Variants in ADAMTS16 observed in about 807,000 individuals in gnomAD.
The protein encoded by ADAMTS16 is ADAM metallopeptidase with thrombospondin type 1 motif 16, also known as A disintegrin and metalloproteinase with thrombospondin motifs 16.
A neutral mutation model predicts 145.8 loss-of-function variants in ADAMTS16; 94 were observed. That is an observed-to-expected ratio of 0.64 (90% CI 0.55 to 0.77). The LOEUF is 0.77. Ranked by LOEUF, ADAMTS16 falls within the 30% of genes least tolerant of loss-of-function variation. ADAMTS16 has a pLI of 0.00. For synonymous variants in ADAMTS16, 659 were observed against 604.3 expected, an observed-to-expected ratio of 1.09 and a Z score of -1.33; for missense variants, 1,585 against 1,591.5, an observed-to-expected ratio of 1.00 and a Z score of 0.07.
At chr5:5,245,341 T>A (rs1407711058) in intron 17 of ADAMTS16, among the ~76,000 whole-genome samples, 1 of 152,180 alleles carries the variant, frequency 6.6e-6, no homozygotes, top group African/African-American at 2.4e-5. Flanking sequence ...AGTTTTTCAA[T>A]TTTGTGAGAT....
chr5:5,167,894 G>A (rs1734926299), intron 3 of ADAMTS16, among the ~76,000 whole-genome samples: 1 of 152,212 alleles, frequency 6.6e-6, no homozygotes, highest in Non-Finnish European at 1.5e-5. Flanking sequence ...GAATACCCAT[G>A]TGGGGCTGTT....
intron 10 of ADAMTS16, among the ~76,000 whole-genome samples, chr5:5,211,595 A>G (rs560870118): frequency 1.1e-4 from 17 of 152,056 alleles, no homozygotes; most frequent in Non-Finnish European, 2.1e-4. Context: ...CAAGGCTAGT[A>G]TGCCTGTCTT....
At chr5:5,264,343 ATG>A (rs1207141890) in intron 18 of ADAMTS16, among the ~76,000 whole-genome samples, 1 of 152,154 alleles carries the variant, frequency 6.6e-6, no homozygotes, top group Non-Finnish European at 1.5e-5. Context: ...TATTTACAGA[ATG>A]AAATTCTAAC....
At chr5:5,232,598 CTCT>C (rs1196465745) in intron 12 of ADAMTS16, 82 bp downstream of exon 12, 53 of 1,241,320 alleles carry the variant, frequency 4.3e-5, no homozygotes, top group Non-Finnish European at 5.2e-5. Context: ...TGTGTCTCAG[CTCT>C]TTTTTTTTTT....
chr5:5,210,296 T>C (rs1453784726), intron 10 of ADAMTS16, among the ~76,000 whole-genome samples: 1 of 152,192 alleles, frequency 6.6e-6, no homozygotes, highest in Non-Finnish European at 1.5e-5. Flanking sequence ...CTGGTTTCCA[T>C]GGTAGTTAGC....
At chr5:5,145,518 C>G (rs1170002997) in intron 2 of ADAMTS16, among the ~76,000 whole-genome samples, 1 of 152,224 alleles carries the variant, frequency 6.6e-6, no homozygotes, top group African/African-American at 2.4e-5. Context: ...GGTCGTTCTT[C>G]TCCAGACAGC....
rs746323971 is a variant in ADAMTS16 at position 5,318,216 on chromosome 5, T to C, written c.3494T>C (p.Leu1165Pro). ...AGGRPASGCL[L>P]HQKPSASLAC... Reference sequence around the variant, plus strand: ...GGCCGGCCGGCCTCAGGCTGCCTCCTGCACCAGAAGCCTTCGGCCTCCCTG... The same window carrying C: ...GGCCGGCCGGCCTCAGGCTGCCTCCCGCACCAGAAGCCTTCGGCCTCCCTG... The change falls in exon 22 of 23, where the codon CTG becomes CCG. Residue 1165 changes from leucine to proline, a missense_variant. Physicochemically the swap from Leu to Pro is moderately conservative, Grantham distance 98. Around this residue, in one of 3 missense-constraint regions of ADAMTS16, gnomAD observed 834 missense variants for 811.7 expected, o/e 1.03. Transcript: ENST00000274181. The C allele has an allele frequency of 9.5e-6, 15 of 1,571,420 alleles. No individual in the cohort carries two copies. Among genetic ancestry groups the C allele is most frequent in the African/African-American group, 2.7e-5 (2 of 73,732 alleles).
intron 9 of ADAMTS16, among the ~76,000 whole-genome samples, chr5:5,204,869 C>T (rs931459709): frequency 1.3e-5 from 2 of 152,150 alleles, no homozygotes; most frequent in Non-Finnish European, 2.9e-5. Context: ...TGAAGTTACA[C>T]TCCCAGAAGC....
intron 2 of ADAMTS16, among the ~76,000 whole-genome samples, chr5:5,142,668 T>A (rs270192): frequency 0.35 from 53,296 of 151,792 alleles, 10,101 homozygotes; most frequent in Admixed American, 0.48. Context: ...AATAACTAAT[T>A]GTAGCCATAC....
intron 11 of ADAMTS16, among the ~76,000 whole-genome samples, chr5:5,231,894 G>C (rs1233492594): frequency 2.0e-5 from 3 of 152,100 alleles, no homozygotes; most frequent in Non-Finnish European, 2.9e-5. Context: ...AGGTGCTTTG[G>C]GGGGAAAGCA....
intron 18 of ADAMTS16, among the ~76,000 whole-genome samples, chr5:5,263,320 C>T (rs554391269): frequency 1.3e-5 from 2 of 152,322 alleles, no homozygotes; most frequent in African/African-American, 4.8e-5. Context: ...TTCTCTGAGG[C>T]AGGAGGTGGG....
At chr5:5,174,420 C>T (rs1203277193) in intron 3 of ADAMTS16, among the ~76,000 whole-genome samples, 2 of 151,048 alleles carry the variant, frequency 1.3e-5, no homozygotes, top group East Asian at 1.9e-4. Flanking sequence ...TTATTAAGTG[C>T]TTTTAGGTAG....
At chr5:5,169,253 T>C (rs1734981347) in intron 3 of ADAMTS16, among the ~76,000 whole-genome samples, 1 of 152,220 alleles carries the variant, frequency 6.6e-6, no homozygotes, top group Non-Finnish European at 1.5e-5. Context: ...TGGCAACATT[T>C]CTTGTTTCAA....
chr5:5,177,424 A>G (rs979027464), intron 3 of ADAMTS16, among the ~76,000 whole-genome samples: 2 of 152,236 alleles, frequency 1.3e-5, no homozygotes, highest in Non-Finnish European at 2.9e-5. Context: ...GAAGACAGAA[A>G]GGTTGAGAGA....
At chr5:5,229,036 C>T (rs1181264220) in intron 11 of ADAMTS16, among the ~76,000 whole-genome samples, 8 of 152,142 alleles carry the variant, frequency 5.3e-5, no homozygotes, top group Non-Finnish European at 1.0e-4. Flanking sequence ...CGGTGGCTCA[C>T]GCCTGTAATC....
intron 8 of ADAMTS16, among the ~76,000 whole-genome samples, chr5:5,194,068 C>T (rs1295838471): frequency 1.3e-5 from 2 of 152,028 alleles, no homozygotes; most frequent in Non-Finnish European, 2.9e-5. Context: ...CACCACTGCA[C>T]TCCAGCCTGG....
intron 16 of ADAMTS16, among the ~76,000 whole-genome samples, chr5:5,240,227 G>A (rs963707490): frequency 2.0e-5 from 3 of 152,188 alleles, no homozygotes; most frequent in Non-Finnish European, 4.4e-5. Context: ...ACTCTTGGGG[G>A]AGGGAGGTGG....
chr5:5,290,328 A>C (rs1254804984), intron 18 of ADAMTS16, among the ~76,000 whole-genome samples: 1 of 152,192 alleles, frequency 6.6e-6, no homozygotes, highest in African/African-American at 2.4e-5. Flanking sequence ...ACTTTGTGGC[A>C]GAAGGGCCAC....
At chr5:5,168,202 A>G (rs1456884145) in intron 3 of ADAMTS16, among the ~76,000 whole-genome samples, 1 of 152,062 alleles carries the variant, frequency 6.6e-6, no homozygotes, top group Non-Finnish European at 1.5e-5. Flanking sequence ...TCTCAGTCAT[A>G]TATCATCTAT....
Sources: allele counts gnomAD v4.1 joint callset (sites outside exome capture counted in the v4.1 genomes callset), GRCh38; gene constraint gnomAD v4.1.1; regional missense constraint gnomAD v4.1.1; transcripts MANE v1.5; gene names NCBI Gene and HGNC (gene_info 2026-07-23, HGNC 2026-07-21).